CNTN5: variants seen among roughly 807,000 people sequenced by gnomAD.
CNTN5 encodes the protein contactin 5.
Under a neutral mutation model 129.1 loss-of-function variants are expected in CNTN5, and 77 were observed. That is an observed-to-expected ratio of 0.60 (90% confidence interval 0.50 to 0.72). The LOEUF is 0.72. Among genes scored for constraint, CNTN5 ranks in the 30% least tolerant of loss-of-function variants. The pLI is 0.00. For missense variants in CNTN5, 1,478 were observed against 1,328.8 expected, an observed-to-expected ratio of 1.11 and a Z score of -1.75; for synonymous variants, 509 against 465.6, an observed-to-expected ratio of 1.09 and a Z score of -1.20.
intron 1 of CNTN5, among the ~76,000 whole-genome samples, chr11:99,174,360 C>G (rs544048453): frequency 1.3e-5 from 2 of 152,246 alleles, no homozygotes; most frequent in Admixed American, 1.3e-4. Context: ...TCCAATTAGA[C>G]TTGGTTATAT....
intron 3 of CNTN5, among the ~76,000 whole-genome samples, chr11:99,727,312 C>CAAAAAAAAAAAAAAA (rs397936738): frequency 1.2e-4 from 3 of 24,298 alleles, no homozygotes; most frequent in African/African-American, 3.1e-4. Context: ...GACTCCGTCT[C>CAAAAAAAAAAAAAAA]AAAAAAAAAA....
chr11:99,398,802 C>A (rs770983348), intron 2 of CNTN5, among the ~76,000 whole-genome samples: 1 of 151,752 alleles, frequency 6.6e-6, no homozygotes, highest in African/African-American at 2.4e-5. Context: ...ATGAATAAAG[C>A]TACTCTAAAC....
intron 2 of CNTN5, among the ~76,000 whole-genome samples, chr11:99,540,204 C>G (rs1242103814): frequency 6.6e-6 from 1 of 152,026 alleles, no homozygotes; most frequent in Admixed American, 6.6e-5. Context: ...AAGCACAGCA[C>G]AGATAAAGGC....
At chr11:100,063,080 T>C (rs897056256) in intron 10 of CNTN5, among the ~76,000 whole-genome samples, 2 of 152,130 alleles carry the variant, frequency 1.3e-5, no homozygotes, top group African/African-American at 4.8e-5. Context: ...CAGAGGAAAG[T>C]ACGAATTCTC....
At chr11:100,210,551 A>AT (rs76754520) in intron 15 of CNTN5, among the ~76,000 whole-genome samples, 26,855 of 152,098 alleles carry the variant, frequency 0.18, 3,081 homozygotes, top group South Asian at 0.43. Context: ...ATATTTGAAG[A>AT]TAAAAACAAA....
chr11:99,936,374 C>G (rs1245713657), intron 7 of CNTN5, among the ~76,000 whole-genome samples: 1 of 152,152 alleles, frequency 6.6e-6, no homozygotes, highest in Non-Finnish European at 1.5e-5. Flanking sequence ...TTCTTTCCTT[C>G]AGACTATAAT....
chr11:99,392,263 A>ACTT (rs1353782227), intron 2 of CNTN5, among the ~76,000 whole-genome samples: 1 of 151,818 alleles, frequency 6.6e-6, no homozygotes, highest in Non-Finnish European at 1.5e-5. Flanking sequence ...TAGTTATTAT[A>ACTT]CTTACATATA....
intron 20 of CNTN5, among the ~76,000 whole-genome samples, chr11:100,302,287 T>C (rs1228688568): frequency 6.6e-6 from 1 of 151,582 alleles, no homozygotes; most frequent in African/African-American, 2.4e-5. Flanking sequence ...CTCTTGCCAG[T>C]GCAGGTTTCT....
In CNTN5 at chr11:99,995,483, T is replaced by C. The variant is rs188715698; in HGVS notation, c.878-6551T>C. ...ATAGATAAATATTAAACACATAAAATGGTTTTCTCGCCAAAGGTAGCCCTT... is the reference window on the plus strand; with the variant it reads ...ATAGATAAATATTAAACACATAAAACGGTTTTCTCGCCAAAGGTAGCCCTT... On this transcript the variant is annotated intron_variant, in intron 8 of 24. Transcript: ENST00000524871. Among the ~76,000 whole-genome samples, 53 of 152,290 alleles carry C rather than the reference T, an allele frequency of 3.5e-4. No individual in the cohort carries two copies. In the Middle Eastern group the frequency reaches 0.01, roughly 29 times the overall value.
chr11:100,064,681 G>A (rs1943626048), intron 10 of CNTN5, among the ~76,000 whole-genome samples: 1 of 152,004 alleles, frequency 6.6e-6, no homozygotes, highest in Non-Finnish European at 1.5e-5. Flanking sequence ...TCTAGTTTCT[G>A]ACGATTGATG....
chr11:100,006,678 C>T (rs929300164), intron 9 of CNTN5, among the ~76,000 whole-genome samples: 2 of 152,090 alleles, frequency 1.3e-5, no homozygotes, highest in East Asian at 1.9e-4. Context: ...AAGTTTTGAA[C>T]CCCTCCAAGT....
intron 3 of CNTN5, among the ~76,000 whole-genome samples, chr11:99,580,420 T>C (rs1289689040): frequency 6.6e-6 from 1 of 152,220 alleles, no homozygotes; most frequent in East Asian, 1.9e-4. Context: ...AGCTCTTCCT[T>C]GTACCTCTGG....
intron 13 of CNTN5, among the ~76,000 whole-genome samples, chr11:100,142,230 G>A (rs1360413778): frequency 1.3e-5 from 2 of 152,194 alleles, no homozygotes; most frequent in East Asian, 1.9e-4. Context: ...CCAGCTTGCA[G>A]ATGGCCTATC....
chr11:99,339,952 T>C (rs965234131), intron 2 of CNTN5, among the ~76,000 whole-genome samples: 3 of 152,184 alleles, frequency 2.0e-5, no homozygotes, highest in Non-Finnish European at 2.9e-5. Flanking sequence ...GTGTGGACTT[T>C]GGTTTTCACC....
At chr11:99,978,382 T>G (rs1218281608) in intron 8 of CNTN5, among the ~76,000 whole-genome samples, 1 of 152,234 alleles carries the variant, frequency 6.6e-6, no homozygotes, top group Non-Finnish European at 1.5e-5. Context: ...GTGCCGTGTT[T>G]ATAAAGTCAA....
chr11:99,536,344 T>C (rs1193311568), intron 2 of CNTN5, among the ~76,000 whole-genome samples: 1 of 152,108 alleles, frequency 6.6e-6, no homozygotes, highest in Non-Finnish European at 1.5e-5. Context: ...ATTTTGGAAT[T>C]ATAAAGCCTG....
intron 6 of CNTN5, among the ~76,000 whole-genome samples, chr11:99,886,842 A>C (rs1346882944): frequency 6.6e-6 from 1 of 152,234 alleles, no homozygotes; most frequent in Non-Finnish European, 1.5e-5. Context: ...CATTTTTCTA[A>C]AATTCAAATG....
At chr11:99,867,457 G>A (rs1290497207) in intron 6 of CNTN5, among the ~76,000 whole-genome samples, 2 of 152,182 alleles carry the variant, frequency 1.3e-5, no homozygotes, top group Non-Finnish European at 2.9e-5. Flanking sequence ...GGGTCTTGCA[G>A]AGCAAAAGCA....
At chr11:99,065,609 T>G (rs1228926658) in intron 1 of CNTN5, among the ~76,000 whole-genome samples, 1 of 152,186 alleles carries the variant, frequency 6.6e-6, no homozygotes, top group Non-Finnish European at 1.5e-5. Context: ...TACATGTAAG[T>G]AACTTTTGAA....
Sources: gnomAD v4.1 joint callset for allele counts (sites outside exome capture counted in the v4.1 genomes callset) on GRCh38, gnomAD v4.1.1 for gene constraint, MANE v1.5 for transcripts, NCBI Gene and HGNC (gene_info 2026-07-23, HGNC 2026-07-21) for gene names.